Variants in OR2L13 observed in about 807,000 individuals in gnomAD.
OR2L13 encodes the protein olfactory receptor 2L13.
A neutral mutation model predicts 15.3 loss-of-function variants in OR2L13; 14 were observed. That is an observed-to-expected ratio of 0.91 (90% CI 0.60 to 1.43). OR2L13 has a LOEUF of 1.43. OR2L13 is among the 40% of genes most tolerant of loss of function. The probability of loss-of-function intolerance (pLI) is 0.00; values close to 1 mark genes in which losing one functional copy is unlikely to be tolerated. For synonymous variants in OR2L13, 152 were observed against 142.9 expected (o/e 1.06, Z -0.45); for missense variants, 367 against 387.9 (o/e 0.95, Z 0.45).
the OR2L13 span, among the ~76,000 whole-genome samples, chr1:248,046,376 A>G: frequency 5.0e-4 from 76 of 152,296 alleles, no homozygotes; most frequent in African/African-American, 1.2e-3. Context: ...TGCCAATATA[A>G]ACCAAACGGA....
chr1:248,071,041 A>G, the OR2L13 span, among the ~76,000 whole-genome samples: 2 of 152,162 alleles, frequency 1.3e-5, no homozygotes, highest in African/African-American at 4.8e-5. Flanking sequence ...GAATTCTACC[A>G]GAGGTACAAG....
chr1:247,993,457 A>G, the OR2L13 span, among the ~76,000 whole-genome samples: 1 of 151,140 alleles, frequency 6.6e-6, no homozygotes, highest in African/African-American at 2.4e-5. Context: ...AGGTTCTATC[A>G]TGGATATTGA....
chr1:248,040,773 G>T, the OR2L13 span: 1 of 152,158 alleles, frequency 6.6e-6, no homozygotes, highest in Non-Finnish European at 1.5e-5. Context: ...GGAGTTCAAA[G>T]TTAAATGCAT....
chr1:248,070,168 A>G, the OR2L13 span, among the ~76,000 whole-genome samples: 1 of 152,218 alleles, frequency 6.6e-6, no homozygotes, highest in Admixed American at 6.5e-5. Flanking sequence ...TCAACAGAAT[A>G]TACATTTTTT....
the OR2L13 span, among the ~76,000 whole-genome samples, chr1:247,998,656 G>C: frequency 6.6e-6 from 1 of 152,154 alleles, no homozygotes; most frequent in East Asian, 1.9e-4. Context: ...TTACCAGTCT[G>C]TAGTGCAATG....
the OR2L13 span, among the ~76,000 whole-genome samples, chr1:248,007,765 A>C: frequency 2.0e-5 from 3 of 152,166 alleles, no homozygotes; most frequent in African/African-American, 7.2e-5. Context: ...AGAACATGGT[A>C]TCTATCTGGA....
At chr1:248,022,635 G>A in the OR2L13 span, 17 of 1,613,984 alleles carry the variant, frequency 1.1e-5, 1 homozygote, top group Middle Eastern at 1.6e-4. Flanking sequence ...CATGCACTCT[G>A]CAGAAGGGAG....
the OR2L13 span, among the ~76,000 whole-genome samples, chr1:247,969,833 G>T: frequency 1.3e-5 from 2 of 152,276 alleles, no homozygotes; most frequent in African/African-American, 2.4e-5. Context: ...GATCCAGGGG[G>T]CCAGAGCCAT....
At chr1:248,041,671 C>A in the OR2L13 span, 2 of 152,056 alleles carry the variant, frequency 1.3e-5, no homozygotes, top group East Asian at 3.9e-4. Context: ...AAGAAAAAAA[C>A]AAACAACCCC....
the OR2L13 span, among the ~76,000 whole-genome samples, chr1:248,005,069 A>G: frequency 6.6e-6 from 1 of 152,172 alleles, no homozygotes; most frequent in South Asian, 2.1e-4. Context: ...TTGCAAAAAT[A>G]TAATTAGATA....
the OR2L13 span, among the ~76,000 whole-genome samples, chr1:247,974,264 C>T: frequency 6.6e-6 from 1 of 151,998 alleles, no homozygotes; most frequent in Admixed American, 6.6e-5. Flanking sequence ...CACACCAGAA[C>T]CTTTGTGGGG....
the OR2L13 span, among the ~76,000 whole-genome samples, chr1:248,069,060 A>G: frequency 7.9e-5 from 12 of 152,352 alleles, no homozygotes; most frequent in East Asian, 2.1e-3. Context: ...GCAGTATATT[A>G]TCCAGGAGAA....
chr1:248,019,986 C>G, the OR2L13 span, among the ~76,000 whole-genome samples: 2 of 152,116 alleles, frequency 1.3e-5, no homozygotes, highest in African/African-American at 4.8e-5. Context: ...CAGGATTTTT[C>G]CATTTTGGTT....
chr1:248,090,236 C>T (rs1245427531), upstream of OR2L13, among the ~76,000 whole-genome samples: 5 of 152,144 alleles, frequency 3.3e-5, no homozygotes, highest in Non-Finnish European at 5.9e-5. Flanking sequence ...GGGTGTGCCA[C>T]TCTCAGGGTA....
chr1:247,982,103 C>CCG, the OR2L13 span, among the ~76,000 whole-genome samples: 24 of 152,294 alleles, frequency 1.6e-4, no homozygotes, highest in South Asian at 2.1e-4. Flanking sequence ...GCGTGAGCCA[C>CCG]CGCGCCTGGC....
At chr1:247,978,559 T>C in the OR2L13 span, among the ~76,000 whole-genome samples, 17 of 152,346 alleles carry the variant, frequency 1.1e-4, no homozygotes, top group Non-Finnish European at 2.1e-4. Flanking sequence ...TAATGAATAA[T>C]TCAAATGGAC....
At chr1:248,073,491 G>A in the OR2L13 span, among the ~76,000 whole-genome samples, 68 of 151,972 alleles carry the variant, frequency 4.5e-4, no homozygotes, top group African/African-American at 1.5e-3. Context: ...TGGGGGGAGC[G>A]GGGAGGGATA....
At chr1:248,077,490 G>A in the OR2L13 span, among the ~76,000 whole-genome samples, 6 of 152,046 alleles carry the variant, frequency 3.9e-5, no homozygotes, top group South Asian at 1.2e-3. Flanking sequence ...TTTTGGTGTA[G>A]GCTATTAATT....
chr1:248,086,549 C>T, the OR2L13 span, among the ~76,000 whole-genome samples: 14 of 152,030 alleles, frequency 9.2e-5, no homozygotes, highest in East Asian at 2.1e-3. Context: ...TTCAGGTATA[C>T]GGAGGTATTG....
Sources: gnomAD v4.1 joint callset for allele counts (sites outside exome capture counted in the v4.1 genomes callset) on GRCh38, gnomAD v4.1.1 for gene constraint, MANE v1.5 for transcripts, NCBI Gene and HGNC (gene_info 2026-07-23, HGNC 2026-07-21) for gene names.